Variants in CHD6 observed in about 807,000 individuals in gnomAD.
CHD6 encodes the protein ATP-dependent chromatin remodeler CHD6.
A neutral mutation model predicts 276.9 loss-of-function variants in CHD6; 50 were observed. That is an observed-to-expected ratio of 0.18 (90% CI 0.14 to 0.23). The LOEUF is 0.23. Among genes scored for constraint, CHD6 ranks in the 10% least tolerant of loss-of-function variants. CHD6 has a pLI of 1.00. For synonymous variants in CHD6, 1,173 were observed against 1,229.3 expected, an observed-to-expected ratio of 0.95 and a Z score of 0.96; for missense variants, 2,564 against 3,365.8, an observed-to-expected ratio of 0.76 and a Z score of 5.89.
chr20:41,559,888 C>G (rs533678471), intron 1 of CHD6, among the ~76,000 whole-genome samples: 1 of 151,016 alleles, frequency 6.6e-6, no homozygotes, highest in African/African-American at 2.4e-5. Context: ...CGCACACATA[C>G]ACACACACAC....
Position 41,454,717 on chromosome 20 carries a change from C to T in CHD6, c.3029G>A (p.Gly1010Glu). 6.2e-7 allele frequency: 1 copy of T among 1,613,580 alleles called. No homozygotes were observed. The highest frequency in any genetic ancestry group is 1.1e-5 in the South Asian group (1 of 90,952). ...TFAKASFVAS[G>E]NRTDISLDDP... ...ATCTAAGGAAATATCTGTTCTGTTT[C>T]CTGAAGCCACAAAGCTAGCCTGTGA... Residue 1010 changes from glycine to glutamate, a missense_variant, in exon 20 of 37, where the codon GGA becomes GAA. Physicochemically the swap from Gly to Glu is moderately conservative, Grantham distance 98. Transcript: ENST00000373233.
intron 1 of CHD6, among the ~76,000 whole-genome samples, chr20:41,591,340 C>T (rs544657933): frequency 1.3e-5 from 2 of 150,858 alleles, no homozygotes; most frequent in East Asian, 1.9e-4. Flanking sequence ...TGCACATGTA[C>T]CCTAGAACTT....
intron 17 of CHD6, among the ~76,000 whole-genome samples, chr20:41,470,450 CATCTTCCACCTTGG>C (rs1213176000): frequency 6.6e-6 from 1 of 152,186 alleles, no homozygotes; most frequent in Non-Finnish European, 1.5e-5. Context: ...TCCCACCCTG[CATCTTCCACCTTGG>C]ATCTTCCTCA....
intron 14 of CHD6, chr20:41,485,882 C>T (rs565286955): frequency 2.5e-4 from 38 of 151,938 alleles, no homozygotes; most frequent in Non-Finnish European, 4.0e-4. Flanking sequence ...TCTATTTAGC[C>T]ATTCCACCAT....
intron 1 of CHD6, among the ~76,000 whole-genome samples, chr20:41,608,733 C>T (rs1203709809): frequency 2.6e-5 from 4 of 152,080 alleles, no homozygotes; most frequent in African/African-American, 7.2e-5. Context: ...TTCTGCAATC[C>T]CGACAAGATA....
Position 41,551,301 on chromosome 20 carries a change from T to C in CHD6, c.33+4A>G. On this transcript the variant is annotated splice_donor_region_variant and intron_variant, in intron 2 of 36. Transcript: ENST00000373233. ...ATTCACTTAAAAGAAAAGTGATCAC[T>C]TACCTGCTTCTCTTTTTTCTGTATT... is the stretch of plus-strand genomic sequence containing the variant. 1 of 1,470,338 alleles carries C rather than the reference T, an allele frequency of 6.8e-7. No individual in the cohort carries two copies. The highest frequency in any genetic ancestry group is 9.4e-7 in the Non-Finnish European group (1 of 1,058,830). The allele number at this position is 1,470,338 out of a possible 1,614,324, so 91.1% of individuals were successfully genotyped here.
At chr20:41,498,487 A>G (rs2043740626) in intron 6 of CHD6, among the ~76,000 whole-genome samples, 1 of 152,098 alleles carries the variant, frequency 6.6e-6, no homozygotes, top group Non-Finnish European at 1.5e-5. Context: ...ATAAACCCAA[A>G]CTGGCCCAGG....
intron 1 of CHD6, among the ~76,000 whole-genome samples, chr20:41,613,234 C>T (rs1460175582): frequency 6.6e-6 from 1 of 152,124 alleles, no homozygotes; most frequent in Non-Finnish European, 1.5e-5. Flanking sequence ...AAATGGAGGG[C>T]TTCTTTTAAT....
chr20:41,544,692 TTAG>T (rs2045007095), intron 2 of CHD6, among the ~76,000 whole-genome samples: 1 of 150,188 alleles, frequency 6.7e-6, no homozygotes, highest in African/African-American at 2.4e-5. Flanking sequence ...AATTAAAATA[TTAG>T]TATTTTAATA....
intron 1 of CHD6, among the ~76,000 whole-genome samples, chr20:41,588,409 T>C (rs1490435152): frequency 6.6e-6 from 1 of 152,158 alleles, no homozygotes; most frequent in Non-Finnish European, 1.5e-5. Flanking sequence ...GTTTTTCTTC[T>C]CATAGTCATG....
intron 3 of CHD6, among the ~76,000 whole-genome samples, chr20:41,518,336 G>C (rs1008950165): frequency 6.6e-6 from 1 of 152,194 alleles, no homozygotes; most frequent in Non-Finnish European, 1.5e-5. Flanking sequence ...CTTCACTGTG[G>C]AACATCATAC....
Position 41,404,750 on chromosome 20 carries a change from T to G in CHD6, c.7991A>C (p.Asn2664Thr). 3.1e-6 allele frequency: 5 copies of G among 1,604,520 alleles called. No homozygotes were observed. The highest frequency in any genetic ancestry group is 3.4e-6 in the Non-Finnish European group (4 of 1,174,970). The change falls in exon 37 of 37, where the codon AAC becomes ACC. Residue 2664 changes from asparagine to threonine, a missense_variant. Coordinates refer to ENST00000373233, the MANE Select transcript of CHD6 (RefSeq NM_032221.5). Reference protein sequence around the residue: ...KRKKKKTKGDNPNSHPEPAPS... With the variant: ...KRKKKKTKGDTPNSHPEPAPS... ...AGCAGGCTCTGGGTGGGAGTTGGGG[T>G]TGTCCCCCTTTGTCTTCTTCTTCTT...
chr20:41,564,062 A>G (rs1352217866), intron 1 of CHD6: 1 of 779,426 alleles, frequency 1.3e-6, no homozygotes, highest in Non-Finnish European at 2.4e-6. Flanking sequence ...GCGTTGTGGG[A>G]TTTGGGCAAC....
intron 17 of CHD6, among the ~76,000 whole-genome samples, chr20:41,458,310 G>C (rs146794870): frequency 6.6e-6 from 1 of 152,312 alleles, no homozygotes; most frequent in Non-Finnish European, 1.5e-5. Flanking sequence ...ATCCCAAAAA[G>C]TGACCAATGA....
intron 34 of CHD6, chr20:41,414,801 C>A: frequency 8.9e-7 from 1 of 1,124,524 alleles, no homozygotes; most frequent in South Asian, 3.3e-5. Flanking sequence ...GTAGCCCTGA[C>A]TCCTGTTCTT....
chr20:41,566,962 C>G (rs978916120), intron 1 of CHD6, among the ~76,000 whole-genome samples: 1 of 152,142 alleles, frequency 6.6e-6, no homozygotes. Flanking sequence ...CCAAGGACAC[C>G]TGGTTAGTTT....
chr20:41,466,221 C>A (rs1295585402), intron 17 of CHD6, among the ~76,000 whole-genome samples: 1 of 152,062 alleles, frequency 6.6e-6, no homozygotes, highest in East Asian at 1.9e-4. Context: ...AAAACAAAAA[C>A]ACACACAGTT....
intron 35 of CHD6, 125 bp from the exon 36 acceptor site, chr20:41,412,388 G>C: frequency 9.1e-7 from 1 of 1,101,824 alleles, no homozygotes; most frequent in Non-Finnish European, 1.3e-6. Context: ...GAGCTGGCCA[G>C]GTTAAACTAA....
In CHD6 at chr20:41,454,168, C is replaced by T. The variant is rs970772933; in HGVS notation, c.3120+458G>A. Among the ~76,000 whole-genome samples the T allele has an allele frequency of 4.6e-5, 7 of 152,350 alleles. No individual in the cohort carries two copies. In the East Asian group the frequency reaches 1.2e-3, roughly 25 times the overall value. On this transcript the variant is annotated intron_variant, in intron 20 of 36. Coordinates refer to ENST00000373233, the MANE Select transcript of CHD6 (RefSeq NM_032221.5). ...CATCCGAAGGCATACTCTGGTTTCA[C>T]TCTCAAGTCCATTCTCTTTCTCATG...
Sources: gnomAD v4.1 joint callset for allele counts (sites outside exome capture counted in the v4.1 genomes callset) on GRCh38, gnomAD v4.1.1 for gene constraint, MANE v1.5 for transcripts, NCBI Gene and HGNC (gene_info 2026-07-23, HGNC 2026-07-21) for gene names.